Variants in RASSF1 observed in about 807,000 individuals in gnomAD.
RASSF1 encodes the protein ras association domain-containing protein 1.
Under a neutral mutation model 34.3 loss-of-function variants are expected in RASSF1, and 33 were observed. The observed-to-expected ratio is 0.96, with a 90% CI of 0.73 to 1.29. RASSF1 has a LOEUF of 1.29. Ranked by LOEUF, RASSF1 falls within the 50% of genes most tolerant of loss-of-function variation. The pLI is 0.00. For synonymous variants in RASSF1, 191 were observed against 195.0 expected (o/e 0.98, Z 0.17); for missense variants, 445 against 471.8 (o/e 0.94, Z 0.53).
intron 4 of RASSF1, 35 bp downstream of exon 4, chr3:50,331,524 C>T (rs73082910): frequency 1.9e-6 from 3 of 1,576,274 alleles, no homozygotes; most frequent in Non-Finnish European, 2.6e-6. Context: ...TGCGTATATA[C>T]CCTCACATAG....
In RASSF1 at chr3:50,330,240, C is replaced by T. The variant is rs1034342028; in HGVS notation, c.*341G>A. On this transcript the variant is annotated 3_prime_UTR_variant, in exon 6 of 6. Transcript: ENST00000359365. The surrounding 1 kb of genome is among the most constrained non-coding windows in gnomAD (Gnocchi z 4.5). ...AGGGCCGTCACCCCTGCAAACATGA[C>T]CCTGTTCTGTTTGCAGGGTCTCCAA... 1 of 260,702 alleles carries T rather than the reference C, an allele frequency of 3.8e-6. No homozygotes were observed. The highest frequency in any genetic ancestry group is 9.1e-5 in the East Asian group (1 of 10,944). The allele number at this position is 260,702 out of a possible 1,614,324, so 16.1% of individuals were successfully genotyped here.
Position 50,332,230 on chromosome 3 carries a change from TC to T in RASSF1, c.358-77del. On this transcript the variant is annotated intron_variant, in intron 2 of 5. Transcript: ENST00000359365. The stretch of plus-strand genomic sequence containing the variant: ...CTCTGAAAAATGGCCTCTGGGGCAG[TC>T]TTTGGAAACTGACTGCCTTTGGCCC... The T allele has an allele frequency of 9.7e-6, 13 of 1,340,390 alleles. No homozygotes were observed. The South Asian group carries it at 1.6e-4, about 16-fold the overall frequency. The allele number at this position is 1,340,390 out of a possible 1,614,324, so 83.0% of individuals were successfully genotyped here.
At chr3:50,337,151 GC>G (rs752287318) in intron 2 of RASSF1, 1 of 1,591,326 alleles carries the variant, frequency 6.3e-7, no homozygotes, top group South Asian at 1.1e-5. Context: ...CCTCCCGCCC[GC>G]CGGCACCCCC....
In RASSF1 at chr3:50,331,843, G is replaced by C. The variant is rs1226425082; in HGVS notation, c.476C>G (p.Ser159Cys). 3 of 1,570,368 alleles carry C rather than the reference G, an allele frequency of 1.9e-6. No individual in the cohort carries two copies. The African/African-American group carries it at 4.1e-5, about 21-fold the overall frequency. Residue 159 changes from serine to cysteine, a missense_variant, in exon 4 of 6, where the codon TCT (serine) becomes TGT (cysteine). Physicochemically the swap from Ser to Cys is moderately radical, Grantham distance 112. Coordinates refer to ENST00000359365, the MANE Select transcript of RASSF1 (RefSeq NM_007182.5). The stretch of plus-strand genomic sequence containing the variant: ...CTGAACCTTGATGAAGCCTGTGTAA[G>C]AACCGTCCTTGTTCTAAAGAAATAG... ...NLFMSLNKDG[S>C]YTGFIKVQLK...
Position 50,340,794 on chromosome 3 carries a change from C to G in RASSF1, c.12G>C (p.Glu4Asp), listed in dbSNP as rs1703338954. ...GCTCCCGCAGCTCAATGAGCTCAGG[C>G]TCCCCCGACATGGCCCGGTTGGGCC... The part of the protein sequence containing the change: MSG[E>D]PELIELRELA... Residue 4 changes from glutamate (E) to aspartate (D), a missense_variant, in exon 1 of 6, where the codon GAG becomes GAC. Physicochemically the swap from Glu to Asp is conservative, Grantham distance 45. Transcript: ENST00000359365. 1 of 1,511,296 alleles carries G rather than the reference C, an allele frequency of 6.6e-7. No individual in the cohort carries two copies. Among genetic ancestry groups the G allele is most frequent in the African/African-American group, 1.5e-5 (1 of 68,798 alleles). 93.6% of individuals were successfully genotyped at this position (1,511,296 alleles called of 1,614,324 possible).
chr3:50,337,443 T>A (rs923846087), intron 2 of RASSF1: 4 of 1,577,642 alleles, frequency 2.5e-6, no homozygotes, highest in Non-Finnish European at 3.4e-6. Context: ...GCCGCAACCG[T>A]TAAGACTGAA....
In RASSF1 at chr3:50,337,151, G is replaced by T. The variant is rs965947686; in HGVS notation, c.357+754C>A. 7 of 1,591,326 alleles carry T rather than the reference G, an allele frequency of 4.4e-6. No homozygotes were observed. In the Admixed American group the frequency reaches 1.2e-4, roughly 28 times the overall value. ...CCAGCGACCGCTTCCCCTCCCGCCC[G>T]CCGGCACCCCCTGGCTCCCACCTGG... On this transcript the variant is annotated intron_variant, in intron 2 of 5. Coordinates refer to ENST00000359365, the MANE Select transcript of RASSF1 (RefSeq NM_007182.5).
intron 2 of RASSF1, among the ~76,000 whole-genome samples, chr3:50,332,789 T>G (rs1702992810): frequency 6.6e-6 from 1 of 151,788 alleles, no homozygotes; most frequent in East Asian, 1.9e-4. Flanking sequence ...GAGACCCTGC[T>G]TCAAAACACA....
chr3:50,338,093 G>T (rs1575547700), intron 1 of RASSF1, 82 bp from the exon 2 acceptor site: 1 of 1,519,106 alleles, frequency 6.6e-7, no homozygotes, highest in Admixed American at 2.0e-5. Flanking sequence ...CCCAGGGAGA[G>T]GGCCGCTGCT....
chr3:50,340,027 G>A (rs1288773785), intron 1 of RASSF1, among the ~76,000 whole-genome samples: 1 of 152,178 alleles, frequency 6.6e-6, no homozygotes, highest in Admixed American at 6.5e-5. Context: ...GGTGCAGAAG[G>A]ACTGCTGGGT....
At chr3:50,337,494 G>C (rs756704342) in intron 2 of RASSF1, 4 of 1,534,652 alleles carry the variant, frequency 2.6e-6, no homozygotes, top group Non-Finnish European at 3.5e-6. Context: ...CATTGGGGCA[G>C]GAACGCCGGG....
chr3:50,331,870 G>T lies in RASSF1; in HGVS notation c.463-14C>A, dbSNP rs776218200. 37 of 1,549,744 alleles carry T rather than the reference G, an allele frequency of 2.4e-5. No individual in the cohort carries two copies. The highest frequency in any genetic ancestry group is 1.2e-4 in the Admixed American group (6 of 52,142). On this transcript the variant is annotated splice_polypyrimidine_tract_variant and intron_variant, in intron 3 of 5. Transcript: ENST00000359365. Reference sequence around the variant, plus strand: ...ACCGTCCTTGTTCTAAAGAAATAGAGAAACCAAACCTTGATAATAGGTTCC... The same window carrying T: ...ACCGTCCTTGTTCTAAAGAAATAGATAAACCAAACCTTGATAATAGGTTCC...
chr3:50,338,194 G>A, intron 1 of RASSF1, 183 bp from the exon 2 acceptor site: 2 of 1,415,878 alleles, frequency 1.4e-6, no homozygotes, highest in Non-Finnish European at 1.8e-6. Context: ...TCTGGAAACC[G>A]GCCGGAAGGC....
At position 50,340,821 on chromosome 3, in the gene RASSF1, G is replaced by A; in HGVS notation, c.-16C>T. 1.4e-6 allele frequency: 2 copies of A among 1,456,104 alleles called. No homozygotes were observed. Among genetic ancestry groups the A allele is most frequent in the South Asian group, 1.3e-5 (1 of 77,070 alleles). 90.2% of individuals were successfully genotyped at this position (1,456,104 alleles called of 1,614,324 possible). A position where few individuals can be genotyped will look rare whatever the true frequency, so the allele number is the denominator to read the frequency against. On this transcript the variant is annotated 5_prime_UTR_variant, in exon 1 of 6. In the 5' UTR this introduces an upstream ATG that the reference lacks. Transcript: ENST00000359365. ...CCCCCGACATGGCCCGGTTGGGCCC[G>A]TGCTTCGCTGGCTTTGGGCGCTAGC...
intron 3 of RASSF1, 78 bp from the exon 4 acceptor site, chr3:50,331,934 G>C (rs1702961018): frequency 6.4e-7 from 1 of 1,555,774 alleles, no homozygotes; most frequent in Admixed American, 1.8e-5. Context: ...GGCTGGGTAT[G>C]CACAAATTAC....
Position 50,330,630 on chromosome 3 carries a change from T to C in RASSF1, c.974A>G (p.Tyr325Cys), listed in dbSNP as rs782655006. 7.1e-5 allele frequency: 115 copies of C among 1,613,864 alleles called. No homozygotes were observed. Among genetic ancestry groups the C allele is most frequent in the Non-Finnish European group, 9.0e-5 (106 of 1,179,974 alleles). Residue 325 changes from tyrosine to cysteine, a missense_variant, in exon 6 of 6, where the codon TAT (tyrosine) becomes TGT (cysteine). Tyr to Cys is a radical substitution (Grantham distance 194). Transcript: ENST00000359365. This position sits in a 1 kb window ranked among gnomAD's most constrained non-coding sequence, Gnocchi z 4.5. ...HLRQILQKYS[Y>C]CRQKIQEALH... The stretch of plus-strand genomic sequence containing the variant: ...GGCCTCTTGGATCTTCTGGCGGCAA[T>C]AGGAGTACTTCTGCAGGATCTGGCG...
chr3:50,334,390 G>A (rs1018433633), intron 2 of RASSF1, among the ~76,000 whole-genome samples: 4 of 152,180 alleles, frequency 2.6e-5, no homozygotes, highest in African/African-American at 9.7e-5. Context: ...ACCTTGTCGG[G>A]TTAGTAAAAA....
chr3:50,337,446 A>C (rs1056076372), intron 2 of RASSF1: 13 of 1,571,440 alleles, frequency 8.3e-6, no homozygotes, highest in Non-Finnish European at 1.0e-5. Flanking sequence ...GCAACCGTTA[A>C]GACTGAAACG....
intron 2 of RASSF1, among the ~76,000 whole-genome samples, chr3:50,336,101 C>G (rs587685405): frequency 6.6e-6 from 1 of 152,286 alleles, no homozygotes; most frequent in African/African-American, 2.4e-5. Flanking sequence ...TTGTGGTTTT[C>G]CCACCTTTCC....
Sources: allele counts gnomAD v4.1 joint callset (sites outside exome capture counted in the v4.1 genomes callset), GRCh38; gene constraint gnomAD v4.1.1; non-coding constraint Gnocchi (gnomAD v3.1); transcripts MANE v1.5; gene names NCBI Gene and HGNC (gene_info 2026-07-23, HGNC 2026-07-21).